Variants in CRACD observed in about 807,000 individuals in gnomAD.
The protein encoded by CRACD is capping protein inhibiting regulator of actin dynamics.
CRACD carries 56 observed loss-of-function variants against 106.8 expected under a neutral mutation model. The ratio of observed to expected loss-of-function variants is 0.52; its 90% CI spans 0.42 to 0.66. The LOEUF is 0.66. Among genes scored for constraint, CRACD ranks in the 30% least tolerant of loss-of-function variants. The probability of loss-of-function intolerance (pLI) is 0.00; values close to 1 mark genes in which losing one functional copy is unlikely to be tolerated. For synonymous variants in CRACD, 754 were observed against 670.8 expected (o/e 1.12, Z -1.92); for missense variants, 1,730 against 1,623.2 (o/e 1.07, Z -1.13).
At chr4:56,160,474 G>A (rs1057081416) in intron 1 of CRACD, among the ~76,000 whole-genome samples, 4 of 152,252 alleles carry the variant, frequency 2.6e-5, no homozygotes, top group East Asian at 3.9e-4. Context: ...GTGAGCCACC[G>A]TGCCTGGCCA....
chr4:56,269,165 T>C (rs929023073), intron 2 of CRACD, among the ~76,000 whole-genome samples: 2 of 152,064 alleles, frequency 1.3e-5, no homozygotes, highest in African/African-American at 4.8e-5. Context: ...GGCAGATTAA[T>C]TGAGGTCAGG....
intron 1 of CRACD, among the ~76,000 whole-genome samples, chr4:56,152,970 A>T (rs1414392931): frequency 1.3e-5 from 2 of 151,816 alleles, no homozygotes; most frequent in East Asian, 3.9e-4. Flanking sequence ...GGAATCTTAA[A>T]TTTTCTTTGT....
At chr4:56,070,500 C>CAT (rs1732607687) in intron 1 of CRACD, among the ~76,000 whole-genome samples, 1 of 151,982 alleles carries the variant, frequency 6.6e-6, no homozygotes, top group Non-Finnish European at 1.5e-5. Flanking sequence ...GGGGTTTCAC[C>CAT]GTAGTCTCAA....
At chr4:56,109,067 A>G (rs181615231) in intron 1 of CRACD, among the ~76,000 whole-genome samples, 19 of 152,228 alleles carry the variant, frequency 1.2e-4, no homozygotes, top group African/African-American at 4.3e-4. Context: ...TCTGCTAAGT[A>G]ATGGGTGCCT....
chr4:56,221,284 A>C (rs1349065893), intron 2 of CRACD, among the ~76,000 whole-genome samples: 1 of 152,192 alleles, frequency 6.6e-6, no homozygotes, highest in Middle Eastern at 3.2e-3. Context: ...ACTTCACGGA[A>C]GAAAAGCCAC....
chr4:56,078,967 C>T (rs568735512), intron 1 of CRACD, among the ~76,000 whole-genome samples: 1 of 152,210 alleles, frequency 6.6e-6, no homozygotes, highest in East Asian at 1.9e-4. Flanking sequence ...TTTATCAGAC[C>T]AAAGTTATAA....
chr4:56,183,664 T>C lies in CRACD; in HGVS notation c.-189+4234T>C, dbSNP rs118188762. Among the ~76,000 whole-genome samples, 47 of 152,270 alleles carry C rather than the reference T, an allele frequency of 3.1e-4. 1 individual carries two copies. In the East Asian group the frequency reaches 9.1e-3, roughly 29 times the overall value. ...AAGTCTGGGAGGTGAGACAAAGCCA[T>C]AGTAGGAAGACCATACCTGACCTCA... On this transcript the variant is annotated intron_variant, in intron 2 of 10. Coordinates refer to ENST00000682029, the MANE Select transcript of CRACD (RefSeq NM_001393381.1).
intron 2 of CRACD, among the ~76,000 whole-genome samples, chr4:56,205,472 G>T (rs145790347): frequency 6.6e-6 from 1 of 151,952 alleles, no homozygotes; most frequent in African/African-American, 2.4e-5. Context: ...AATACCAAGC[G>T]TGCCCCGATA....
intron 6 of CRACD, 32 bp from the exon 7 acceptor site, chr4:56,313,165 C>T: frequency 6.3e-7 from 1 of 1,593,302 alleles, no homozygotes; most frequent in Non-Finnish European, 8.6e-7. Context: ...CTTCTGATCC[C>T]AACTGACTTT....
chr4:56,215,781 A>G (rs1460791910), intron 2 of CRACD, among the ~76,000 whole-genome samples: 1 of 152,214 alleles, frequency 6.6e-6, no homozygotes, highest in Non-Finnish European at 1.5e-5. Flanking sequence ...GTGGTTCTAA[A>G]TGCATTATTG....
At position 56,237,983 on chromosome 4, in the gene CRACD, A is replaced by G. The variant is rs537960689; in HGVS notation, c.-188-34338A>G. Among the ~76,000 whole-genome samples the G allele has an allele frequency of 2.0e-5, 3 of 150,684 alleles. No homozygotes were observed. In the East Asian group the frequency reaches 6.3e-4, roughly 32 times the overall value. Reference sequence around the variant, plus strand: ...GTTATCTAGTGCTATATAACAAACTACCTCTGAACTAATTGTTTATCTATC... The same window carrying G: ...GTTATCTAGTGCTATATAACAAACTGCCTCTGAACTAATTGTTTATCTATC... On this transcript the variant is annotated intron_variant, in intron 2 of 10. Transcript: ENST00000682029.
chr4:56,299,155 A>G (rs1476928165), intron 4 of CRACD, among the ~76,000 whole-genome samples: 5 of 152,182 alleles, frequency 3.3e-5, no homozygotes, highest in Non-Finnish European at 7.3e-5. Flanking sequence ...CTTGTCTCAG[A>G]AGAAAATCAC....
At chr4:56,197,371 A>T (rs901165638) in intron 2 of CRACD, among the ~76,000 whole-genome samples, 3 of 152,164 alleles carry the variant, frequency 2.0e-5, no homozygotes, top group African/African-American at 7.2e-5. Context: ...CTCCCTTTAA[A>T]AAAAATAGTA....
intron 2 of CRACD, among the ~76,000 whole-genome samples, chr4:56,227,494 G>T (rs1439627828): frequency 7.6e-6 from 1 of 131,690 alleles, no homozygotes; most frequent in Non-Finnish European, 1.7e-5. Context: ...GCAGCTTCTG[G>T]GTCTCCCTTG....
At chr4:56,202,992 A>G (rs1403783654) in intron 2 of CRACD, among the ~76,000 whole-genome samples, 1 of 152,194 alleles carries the variant, frequency 6.6e-6, no homozygotes, top group Non-Finnish European at 1.5e-5. Flanking sequence ...TTGAGGGGAT[A>G]TGTATGATAT....
chr4:56,305,090 C>T (rs754494178), intron 4 of CRACD, among the ~76,000 whole-genome samples: 3 of 151,214 alleles, frequency 2.0e-5, no homozygotes, highest in South Asian at 2.1e-4. Context: ...GTGTGGTGGT[C>T]GATGCATGTG....
chr4:56,155,030 AATC>A (rs34444557), intron 1 of CRACD, among the ~76,000 whole-genome samples: 56,731 of 151,546 alleles, frequency 0.37, 10,763 homozygotes, highest in Middle Eastern at 0.46. Context: ...AATTCAGTCC[AATC>A]ATCATCATCA....
chr4:56,192,258 G>T (rs1275547300), intron 2 of CRACD, among the ~76,000 whole-genome samples: 1 of 152,118 alleles, frequency 6.6e-6, no homozygotes, highest in East Asian at 1.9e-4. Flanking sequence ...CGAGCATGGT[G>T]GTGCACACCT....
At chr4:56,084,268 A>G (rs958548525) in intron 1 of CRACD, among the ~76,000 whole-genome samples, 38 of 152,028 alleles carry the variant, frequency 2.5e-4, no homozygotes, top group African/African-American at 8.9e-4. Context: ...TTTTCTTATT[A>G]TTTCACTCTT....
Sources: gnomAD v4.1 joint callset for allele counts (sites outside exome capture counted in the v4.1 genomes callset) on GRCh38, gnomAD v4.1.1 for gene constraint, MANE v1.5 for transcripts, NCBI Gene and HGNC (gene_info 2026-07-23, HGNC 2026-07-21) for gene names.